Variants in PTBP1 observed in about 807,000 individuals in gnomAD.
The protein encoded by PTBP1 is polypyrimidine tract-binding protein 1.
Under a neutral mutation model 59.8 loss-of-function variants are expected in PTBP1, and 8 were observed. The observed-to-expected ratio is 0.13, with a 90% CI of 0.08 to 0.24. The LOEUF is 0.24. Ranked by LOEUF, PTBP1 falls within the 10% of genes least tolerant of loss-of-function variation. The pLI is 1.00. For missense variants in PTBP1, 686 were observed against 767.0 expected (o/e 0.89, Z 1.25); for synonymous variants, 490 against 320.7 (o/e 1.53, Z -5.64).
intron 2 of PTBP1, among the ~76,000 whole-genome samples, chr19:802,760 A>G (rs527907758): frequency 2.0e-5 from 3 of 152,350 alleles, no homozygotes; most frequent in East Asian, 3.9e-4. Flanking sequence ...TGTGTCTTCA[A>G]TCCTTGCAGC....
Position 811,985 on chromosome 19 carries a change from C to G in PTBP1, c.*1159C>G, listed in dbSNP as rs564963507. The G allele has an allele frequency of 6.6e-6, 1 of 152,372 alleles. No individual in the cohort carries two copies. Among genetic ancestry groups the G allele is most frequent in the Admixed American group, 6.5e-5 (1 of 15,282 alleles). The allele number at this position is 152,372 out of a possible 1,614,324, so 9.4% of individuals were successfully genotyped here. The stretch of plus-strand genomic sequence containing the variant: ...CTGTCCCGGGGGCTCTCCTAGGATC[C>G]CCTTTCCGTAAAAGCGTGTAACAAG... On this transcript the variant is annotated 3_prime_UTR_variant, in exon 15 of 15. Coordinates refer to ENST00000356948, the MANE Select transcript of PTBP1 (RefSeq NM_002819.5).
intron 1 of PTBP1, among the ~76,000 whole-genome samples, chr19:797,949 C>T (rs964717738): frequency 1.5e-4 from 23 of 149,080 alleles, no homozygotes; most frequent in African/African-American, 4.4e-4. Flanking sequence ...CGTGCGCGGC[C>T]GCCATCGGGG....
chr19:803,975 G>C (rs2034448954), intron 3 of PTBP1, 61 bp from the exon 4 acceptor site: 1 of 1,595,706 alleles, frequency 6.3e-7, no homozygotes, highest in South Asian at 1.1e-5. Flanking sequence ...GGGATAGCAG[G>C]GACCTTCCTC....
At position 805,200 on chromosome 19, in the gene PTBP1, C is replaced by G. The variant is rs563144330; in HGVS notation, c.892+13C>G. On this transcript the variant is annotated intron_variant, in intron 8 of 14. Coordinates refer to ENST00000356948, the MANE Select transcript of PTBP1 (RefSeq NM_002819.5). The stretch of plus-strand genomic sequence containing the variant: ...GCCGCGGCCTTCGGTAAGAGGCTGC[C>G]CGACGCGGCGCCAGTGTGCAGAGTG... 3 of 1,612,190 alleles carry G rather than the reference C, an allele frequency of 1.9e-6. No homozygotes were observed. The highest frequency in any genetic ancestry group is 4.5e-5 in the East Asian group (2 of 44,852).
At chr19:799,654 C>T (rs1002895638) in intron 2 of PTBP1, among the ~76,000 whole-genome samples, 3 of 152,242 alleles carry the variant, frequency 2.0e-5, no homozygotes, top group Admixed American at 6.5e-5. Context: ...TGCTGGCCGC[C>T]CCTCAGGTCT....
rs1023052559 is a variant in PTBP1 at position 806,347 on chromosome 19, C to T, written c.971-61C>T. 2.6e-6 allele frequency: 4 copies of T among 1,520,038 alleles called. No homozygotes were observed. In the African/African-American group the frequency reaches 4.3e-5, roughly 17 times the overall value. 94.2% of individuals were successfully genotyped at this position (1,520,038 alleles called of 1,614,324 possible). ...GTGCATGAGGACGGGGAGCGTCGGCCTCTCCCACTCTGCGGTGGAGTCGGG... is the reference window on the plus strand; with the variant it reads ...GTGCATGAGGACGGGGAGCGTCGGCTTCTCCCACTCTGCGGTGGAGTCGGG... On this transcript the variant is annotated intron_variant, in intron 9 of 14. Coordinates refer to ENST00000356948, the MANE Select transcript of PTBP1 (RefSeq NM_002819.5).
intron 1 of PTBP1, among the ~76,000 whole-genome samples, chr19:798,002 C>A (rs1264652147): frequency 6.6e-6 from 1 of 150,650 alleles, no homozygotes; most frequent in Non-Finnish European, 1.5e-5. Context: ...CCCGGCGCAG[C>A]CCCGGAAGCG....
intron 2 of PTBP1, 92 bp downstream of exon 2, chr19:799,535 G>A: frequency 7.4e-7 from 1 of 1,352,566 alleles, no homozygotes; most frequent in Non-Finnish European, 1.1e-6. Flanking sequence ...GTTGGCTAGA[G>A]GGCGCTTTTC....
Position 801,244 on chromosome 19 carries a change from C to T in PTBP1, c.39+1801C>T, listed in dbSNP as rs960953994. On this transcript the variant is annotated intron_variant, in intron 2 of 14. Transcript: ENST00000356948. ...ACCCTCCTGGGGTACCTGGCAGCTGCTGTGAAGGCAGTGGAGGCGCTAGGC... is the reference window on the plus strand; with the variant it reads ...ACCCTCCTGGGGTACCTGGCAGCTGTTGTGAAGGCAGTGGAGGCGCTAGGC... 3.3e-5 allele frequency among the ~76,000 whole-genome samples: 5 copies of T among 152,214 alleles called. No homozygotes were observed. The South Asian group carries it at 1.0e-3, about 31-fold the overall frequency.
intron 10 of PTBP1, chr19:806,969 C>T (rs1039712950): frequency 1.8e-5 from 3 of 162,888 alleles, no homozygotes; most frequent in African/African-American, 7.2e-5. Context: ...CGTTATTTCC[C>T]AGAATGGTTA....
At chr19:805,950 G>A (rs2034544266) in intron 9 of PTBP1, 2 of 296,246 alleles carry the variant, frequency 6.8e-6, no homozygotes, top group Admixed American at 9.9e-5. Context: ...GGCGGGACGT[G>A]TGTGCGTGGC....
chr19:803,157 A>G (rs924655607), intron 2 of PTBP1, among the ~76,000 whole-genome samples: 2 of 152,088 alleles, frequency 1.3e-5, no homozygotes, highest in Non-Finnish European at 2.9e-5. Flanking sequence ...GGCTGGCTCC[A>G]TGGAGGGGGT....
chr19:800,830 C>T (rs190844429), intron 2 of PTBP1, among the ~76,000 whole-genome samples: 1 of 152,332 alleles, frequency 6.6e-6, no homozygotes, highest in East Asian at 1.9e-4. Flanking sequence ...TGGCCCTCAG[C>T]TTCCATCGGG....
intron 11 of PTBP1, 94 bp downstream of exon 11, chr19:807,996 C>A: frequency 8.6e-7 from 1 of 1,169,098 alleles, no homozygotes; most frequent in Non-Finnish European, 1.3e-6. Context: ...GTTTGGCACT[C>A]TGATGCTCCG....
chr19:803,954 A>C, intron 3 of PTBP1, 82 bp from the exon 4 acceptor site: 1 of 1,540,754 alleles, frequency 6.5e-7, no homozygotes, highest in Non-Finnish European at 8.9e-7. Flanking sequence ...CGTAGCAGGC[A>C]GGGCTCTAGG....
At position 811,087 on chromosome 19, in the gene PTBP1, G is replaced by A. The variant is rs974693544; in HGVS notation, c.*261G>A. 36 of 380,056 alleles carry A rather than the reference G, an allele frequency of 9.5e-5. No individual in the cohort carries two copies. In the South Asian group the frequency reaches 9.5e-4, roughly 10 times the overall value. The allele number at this position is 380,056 out of a possible 1,614,324, so 23.5% of individuals were successfully genotyped here. A position where few individuals can be genotyped will look rare whatever the true frequency, so the allele number is the denominator to read the frequency against. Reference sequence around the variant, plus strand: ...CCCGGGGCCAGACCCTCGGGGCCATGCCTTGGTGGGGCCTGTGTCGGGCGT... The same window carrying A: ...CCCGGGGCCAGACCCTCGGGGCCATACCTTGGTGGGGCCTGTGTCGGGCGT... On this transcript the variant is annotated 3_prime_UTR_variant, in exon 15 of 15. Transcript: ENST00000356948.
chr19:805,317 C>T (rs2145049613), intron 8 of PTBP1, 130 bp downstream of exon 8: 1 of 1,230,902 alleles, frequency 8.1e-7, no homozygotes, highest in Non-Finnish European at 1.2e-6. Context: ...ACGGCCAGCA[C>T]AGCACGGTCC....
intron 13 of PTBP1, among the ~76,000 whole-genome samples, 165 bp from the exon 14 acceptor site, chr19:810,378 C>T (rs1462486225): frequency 4.6e-5 from 7 of 152,240 alleles, no homozygotes; most frequent in African/African-American, 1.7e-4. Context: ...TTAGAAGCTG[C>T]TTCAGACCAT....
intron 2 of PTBP1, among the ~76,000 whole-genome samples, chr19:799,864 C>T (rs1181130676): frequency 6.6e-6 from 1 of 152,112 alleles, no homozygotes; most frequent in Non-Finnish European, 1.5e-5. Flanking sequence ...TAGAATCCAG[C>T]CTATTTGAGT....
Sources: gnomAD v4.1 joint callset for allele counts (sites outside exome capture counted in the v4.1 genomes callset) on GRCh38, gnomAD v4.1.1 for gene constraint, MANE v1.5 for transcripts, NCBI Gene and HGNC (gene_info 2026-07-23, HGNC 2026-07-21) for gene names.